ZNF804A: variants seen among roughly 807,000 people sequenced by gnomAD.
ZNF804A encodes the protein zinc finger protein 804A.
In ZNF804A, 2 loss-of-function variants were observed where a neutral mutation model predicts 16.5. The observed-to-expected ratio is 0.12, with a 90% confidence interval of 0.05 to 0.38. ZNF804A has a LOEUF of 0.38. Among genes scored for constraint, ZNF804A ranks in the 10% least tolerant of loss-of-function variants. The probability of loss-of-function intolerance (pLI) is 0.99; values close to 1 mark genes in which losing one functional copy is unlikely to be tolerated. For synonymous variants in ZNF804A, 534 were observed against 489.6 expected (o/e 1.09, Z -1.20); for missense variants, 1,473 against 1,390.7 (o/e 1.06, Z -0.94).
intron 1 of ZNF804A, among the ~76,000 whole-genome samples, chr2:184,624,675 C>A (rs534265622): frequency 7.9e-5 from 12 of 152,198 alleles, no homozygotes; most frequent in African/African-American, 2.9e-4. Flanking sequence ...GATATCCCTC[C>A]TTCTGTGAGG....
chr2:184,690,027 T>C (rs1201395350), intron 1 of ZNF804A, among the ~76,000 whole-genome samples: 2 of 151,880 alleles, frequency 1.3e-5, no homozygotes, highest in Admixed American at 6.6e-5. Flanking sequence ...TTTCAAAACA[T>C]CTCTCAAAAA....
In ZNF804A at chr2:184,936,333, A is replaced by C. The variant is rs777657177; in HGVS notation, c.937A>C (p.Lys313Gln). 1.2e-6 allele frequency: 2 copies of C among 1,613,714 alleles called. No individual in the cohort carries two copies. The highest frequency in any genetic ancestry group is 1.7e-6 in the Non-Finnish European group (2 of 1,179,860). Residue 313 changes from lysine (K) to glutamine (Q), a missense_variant, in exon 4 of 4, where the codon AAG becomes CAG. Coordinates refer to ENST00000302277, the MANE Select transcript of ZNF804A (RefSeq NM_194250.2). Reference sequence around the variant, plus strand: ...TGCATTATTATTACCTTCATTTTGCAAGTTTCAACTTCAGTTATCTTCTGA... The same window carrying C: ...TGCATTATTATTACCTTCATTTTGCCAGTTTCAACTTCAGTTATCTTCTGA... ...KDALLLPSFCKFQLQLSSDAD... is the reference protein window; with the variant it reads ...KDALLLPSFCQFQLQLSSDAD...
At chr2:184,739,909 A>G (rs1415199125) in intron 1 of ZNF804A, among the ~76,000 whole-genome samples, 1 of 152,156 alleles carries the variant, frequency 6.6e-6, no homozygotes, top group East Asian at 1.9e-4. Flanking sequence ...ACATTCTCCA[A>G]CATTCATTTC....
intron 1 of ZNF804A, among the ~76,000 whole-genome samples, chr2:184,721,766 G>A (rs1034580950): frequency 2.0e-5 from 3 of 152,012 alleles, no homozygotes; most frequent in African/African-American, 7.2e-5. Flanking sequence ...AATAAAATCA[G>A]CATCAAAAAC....
At chr2:184,875,279 A>G (rs1406398509) in intron 2 of ZNF804A, among the ~76,000 whole-genome samples, 1 of 152,216 alleles carries the variant, frequency 6.6e-6, no homozygotes, top group Non-Finnish European at 1.5e-5. Context: ...TGTTGGAGGT[A>G]AGACCTAAAG....
intron 1 of ZNF804A, among the ~76,000 whole-genome samples, chr2:184,827,474 A>G (rs1695184393): frequency 6.8e-6 from 1 of 146,418 alleles, no homozygotes; most frequent in Non-Finnish European, 1.5e-5. Context: ...ATATACTATA[A>G]TATATATTTA....
intron 1 of ZNF804A, among the ~76,000 whole-genome samples, chr2:184,745,415 G>T (rs1378585234): frequency 6.6e-6 from 1 of 151,644 alleles, no homozygotes; most frequent in Non-Finnish European, 1.5e-5. Flanking sequence ...TCAATTAGGA[G>T]ATTAATAATT....
chr2:184,748,800 A>G (rs1195458209), intron 1 of ZNF804A, among the ~76,000 whole-genome samples: 4 of 151,704 alleles, frequency 2.6e-5, no homozygotes, highest in Admixed American at 6.6e-5. Flanking sequence ...GTTCTTCTGC[A>G]TATGGTTAGC....
intron 1 of ZNF804A, among the ~76,000 whole-genome samples, chr2:184,622,070 T>G (rs140685283): frequency 2.0e-5 from 3 of 151,928 alleles, no homozygotes; most frequent in Non-Finnish European, 4.4e-5. Flanking sequence ...ATTTGGAAAG[T>G]ACTCTGATTA....
intron 2 of ZNF804A, among the ~76,000 whole-genome samples, chr2:184,903,409 A>G (rs1685216966): frequency 6.6e-6 from 1 of 152,162 alleles, no homozygotes; most frequent in Admixed American, 6.6e-5. Flanking sequence ...TGCCTACAAT[A>G]TTTAGTGCAG....
intron 1 of ZNF804A, among the ~76,000 whole-genome samples, chr2:184,773,127 T>A (rs535811131): frequency 6.6e-6 from 1 of 151,516 alleles, no homozygotes; most frequent in East Asian, 2.0e-4. Context: ...GATTGAGTTA[T>A]ACTCTTATGA....
intron 1 of ZNF804A, among the ~76,000 whole-genome samples, chr2:184,783,140 T>G (rs903917749): frequency 8.2e-6 from 1 of 121,686 alleles, no homozygotes; most frequent in African/African-American, 3.9e-5. Flanking sequence ...AAGAGTGAGT[T>G]TTTTTTTTTT....
At chr2:184,934,890 C>T (rs1231052932) in intron 3 of ZNF804A, among the ~76,000 whole-genome samples, 2 of 152,062 alleles carry the variant, frequency 1.3e-5, no homozygotes, top group Non-Finnish European at 2.9e-5. Context: ...TGTTACTTAG[C>T]AGATAAAGCT....
At chr2:184,892,483 C>CTTTT (rs869292193) in intron 2 of ZNF804A, among the ~76,000 whole-genome samples, 13,316 of 105,420 alleles carry the variant, frequency 0.13, 1,419 homozygotes, top group Middle Eastern at 0.19. Context: ...TTGTTGTGTT[C>CTTTT]TTTTTTTTTT....
intron 2 of ZNF804A, among the ~76,000 whole-genome samples, chr2:184,869,353 A>T (rs2105812650): frequency 6.6e-6 from 1 of 152,158 alleles, no homozygotes; most frequent in South Asian, 2.1e-4. Context: ...CAAATTGTGC[A>T]TACTACTGAT....
intron 2 of ZNF804A, among the ~76,000 whole-genome samples, chr2:184,906,142 T>C (rs2105829566): frequency 6.6e-6 from 1 of 152,306 alleles, no homozygotes; most frequent in East Asian, 1.9e-4. Flanking sequence ...TTTCAAGTCA[T>C]TTGAAATTGC....
At chr2:184,757,516 A>C (rs1693976817) in intron 1 of ZNF804A, among the ~76,000 whole-genome samples, 1 of 151,918 alleles carries the variant, frequency 6.6e-6, no homozygotes, top group Admixed American at 6.6e-5. Context: ...CTTTTATTTA[A>C]AGACCAAGTC....
intron 1 of ZNF804A, among the ~76,000 whole-genome samples, chr2:184,633,584 G>GT (rs2105688222): frequency 6.6e-6 from 1 of 152,158 alleles, no homozygotes; most frequent in South Asian, 2.1e-4. Flanking sequence ...AAATTATAAG[G>GT]TTTTTATGTT....
chr2:184,887,429 G>A (rs946282262), intron 2 of ZNF804A, among the ~76,000 whole-genome samples: 1 of 152,160 alleles, frequency 6.6e-6, no homozygotes, highest in African/African-American at 2.4e-5. Flanking sequence ...CAATTTCAAA[G>A]TTGCTTCAAC....
Sources: allele counts gnomAD v4.1 joint callset (sites outside exome capture counted in the v4.1 genomes callset), GRCh38; gene constraint gnomAD v4.1.1; transcripts MANE v1.5; gene names NCBI Gene and HGNC (gene_info 2026-07-23, HGNC 2026-07-21).